Variants in RMDN2 observed in about 807,000 individuals in gnomAD.
RMDN2 encodes regulator of microtubule dynamics 2, also known as regulator of microtubule dynamics protein 2.
A neutral mutation model predicts 52.8 loss-of-function variants in RMDN2; 61 were observed. The ratio of observed to expected loss-of-function variants is 1.16; its 90% CI spans 0.94 to 1.43. The LOEUF (loss-of-function observed/expected upper bound fraction) is 1.43, where lower values mean the gene tolerates loss of function less well. Ranked by LOEUF, RMDN2 falls within the 40% of genes most tolerant of loss-of-function variation. The probability of loss-of-function intolerance (pLI) is 0.00; values close to 1 mark genes in which losing one functional copy is unlikely to be tolerated. For synonymous variants in RMDN2, 180 were observed against 153.1 expected, an observed-to-expected ratio of 1.18 and a Z score of -1.30; for missense variants, 592 against 475.3, an observed-to-expected ratio of 1.25 and a Z score of -2.28.
intron 10 of RMDN2, among the ~76,000 whole-genome samples, chr2:38,047,815 G>C (rs1223562773): frequency 6.6e-6 from 1 of 152,196 alleles, no homozygotes; most frequent in East Asian, 1.9e-4. Flanking sequence ...CTTTATGGCA[G>C]ATATGTGTGG....
chr2:37,939,683 C>G (rs1019600064), intron 2 of RMDN2, among the ~76,000 whole-genome samples: 2 of 152,140 alleles, frequency 1.3e-5, no homozygotes, highest in African/African-American at 2.4e-5. Context: ...GGTTTAAAGT[C>G]TGTTTTATCA....
At chr2:38,016,758 C>A (rs895954406) in intron 10 of RMDN2, among the ~76,000 whole-genome samples, 3 of 151,920 alleles carry the variant, frequency 2.0e-5, no homozygotes, top group Non-Finnish European at 2.9e-5. Flanking sequence ...AAAGCTCAAG[C>A]CTTGATATGG....
chr2:38,032,181 C>G (rs915670420), intron 10 of RMDN2, among the ~76,000 whole-genome samples: 2 of 152,092 alleles, frequency 1.3e-5, no homozygotes, highest in Non-Finnish European at 2.9e-5. Flanking sequence ...ACCAGCGTAA[C>G]CCCTACCACA....
chr2:38,045,638 A>T (rs1002649165), intron 10 of RMDN2, among the ~76,000 whole-genome samples: 5 of 135,094 alleles, frequency 3.7e-5, no homozygotes, highest in Non-Finnish European at 6.9e-5. Flanking sequence ...GATCAAATAC[A>T]TAAAAAAATT....
intron 2 of RMDN2, among the ~76,000 whole-genome samples, chr2:37,954,281 T>G (rs954988463): frequency 2.6e-5 from 4 of 152,102 alleles, no homozygotes; most frequent in African/African-American, 4.8e-5. Context: ...CCAAATCCAC[T>G]GTTGTGAAGC....
intron 10 of RMDN2, among the ~76,000 whole-genome samples, chr2:38,015,582 A>G (rs969576276): frequency 2.6e-5 from 4 of 152,238 alleles, no homozygotes; most frequent in East Asian, 3.9e-4. Flanking sequence ...AAAAAAAGAA[A>G]AAAAAGGAAA....
At chr2:37,965,059 T>A (rs1264237119) in intron 2 of RMDN2, among the ~76,000 whole-genome samples, 3 of 152,138 alleles carry the variant, frequency 2.0e-5, no homozygotes, top group South Asian at 2.1e-4. Context: ...CTCTCTTTTG[T>A]TTACTGTTTT....
chr2:37,948,594 AT>A (rs1282424998), intron 2 of RMDN2, among the ~76,000 whole-genome samples: 1 of 152,148 alleles, frequency 6.6e-6, no homozygotes, highest in Non-Finnish European at 1.5e-5. Flanking sequence ...GCTAAGTCTA[AT>A]TTTGGTTCTC....
At chr2:38,061,092 A>G (rs1455145121) in intron 10 of RMDN2, among the ~76,000 whole-genome samples, 1 of 152,174 alleles carries the variant, frequency 6.6e-6, no homozygotes, top group Non-Finnish European at 1.5e-5. Context: ...GTTGAAAAGT[A>G]TGTTAGTTCC....
intron 4 of RMDN2, among the ~76,000 whole-genome samples, chr2:37,977,926 G>A (rs1466485359): frequency 2.0e-5 from 3 of 152,128 alleles, no homozygotes; most frequent in African/African-American, 4.8e-5. Context: ...GGTGGCGGCC[G>A]GGCAGAGGCT....
At chr2:37,985,099 TATG>T (rs1278596976) in intron 5 of RMDN2, among the ~76,000 whole-genome samples, 1 of 152,302 alleles carries the variant, frequency 6.6e-6, no homozygotes, top group African/African-American at 2.4e-5. Context: ...TATTTCATAT[TATG>T]GTATTTATAA....
chr2:38,036,957 G>C (rs751032727), intron 10 of RMDN2, among the ~76,000 whole-genome samples: 2 of 152,220 alleles, frequency 1.3e-5, no homozygotes, highest in Non-Finnish European at 2.9e-5. Flanking sequence ...TCCGGGAAAA[G>C]AGTAGGTAGG....
intron 10 of RMDN2, among the ~76,000 whole-genome samples, chr2:38,009,250 C>T (rs1677581326): frequency 6.6e-6 from 1 of 152,120 alleles, no homozygotes; most frequent in South Asian, 2.1e-4. Context: ...GAATGTTGGC[C>T]TGCTTTGCTA....
At chr2:38,042,119 C>T (rs1425032695) in intron 10 of RMDN2, among the ~76,000 whole-genome samples, 2 of 152,084 alleles carry the variant, frequency 1.3e-5, no homozygotes, top group African/African-American at 4.8e-5. Flanking sequence ...TATTGCATTT[C>T]TCTAGTAAAT....
At chr2:37,974,515 C>A in intron 3 of RMDN2, among the ~76,000 whole-genome samples, 1 of 149,540 alleles carries the variant, frequency 6.7e-6, no homozygotes, top group African/African-American at 2.5e-5. Context: ...ATATATTTAA[C>A]AAATATTTTG....
chr2:38,009,397 C>T (rs1474352060), intron 10 of RMDN2, among the ~76,000 whole-genome samples: 1 of 152,202 alleles, frequency 6.6e-6, no homozygotes, highest in African/African-American at 2.4e-5. Flanking sequence ...TTCTTGGAGG[C>T]TTTGTTCGTT....
chr2:38,003,603 G>GACA (rs3056305), intron 8 of RMDN2, among the ~76,000 whole-genome samples: 1 of 147,892 alleles, frequency 6.8e-6, no homozygotes, highest in African/African-American at 2.4e-5. Flanking sequence ...TAGATAGATA[G>GACA]GCAGACAGAC....
rs114081483 is a variant in RMDN2 at position 37,972,860 on chromosome 2, T to C, written c.453-1180T>C. Reference sequence around the variant, plus strand: ...ATTCCAAGTTTTTTGGTTTGAGCAATTGGAAGAGTAGAGTTTCCGTTAGTA... The same window carrying C: ...ATTCCAAGTTTTTTGGTTTGAGCAACTGGAAGAGTAGAGTTTCCGTTAGTA... On this transcript the variant is annotated intron_variant, in intron 2 of 10. Transcript: ENST00000354545. Among the ~76,000 whole-genome samples, 444 of 152,312 alleles carry C rather than the reference T, an allele frequency of 2.9e-3. 1 individual carries two copies. Among genetic ancestry groups the C allele is most frequent in the Admixed American group, 5.4e-3 (83 of 15,310 alleles).
intron 2 of RMDN2, chr2:37,952,260 A>G: frequency 1.3e-6 from 2 of 1,491,184 alleles, no homozygotes; most frequent in South Asian, 1.2e-5. Context: ...CCCACCAGTC[A>G]CTTTCATAGC....
Sources: gnomAD v4.1 joint callset for allele counts (sites outside exome capture counted in the v4.1 genomes callset) on GRCh38, gnomAD v4.1.1 for gene constraint, MANE v1.5 for transcripts, NCBI Gene and HGNC (gene_info 2026-07-23, HGNC 2026-07-21) for gene names.